SRCAP: variants seen among roughly 807,000 people sequenced by gnomAD.
SRCAP encodes Snf2 related CREBBP activator protein, also known as chromatin remodeling protein SRCAP.
SRCAP carries 46 observed loss-of-function variants against 263.1 expected under a neutral mutation model. The ratio of observed to expected loss-of-function variants is 0.17; its 90% CI spans 0.14 to 0.22. The LOEUF (loss-of-function observed/expected upper bound fraction) is 0.22. Ranked by LOEUF, SRCAP falls within the 10% of genes least tolerant of loss-of-function variation. The pLI is 1.00. For missense variants in SRCAP, 3,695 were observed against 4,181.9 expected, an observed-to-expected ratio of 0.88 and a Z score of 3.21; for synonymous variants, 1,813 against 1,662.1, an observed-to-expected ratio of 1.09 and a Z score of -2.21.
In SRCAP at chr16:30,723,816, T is replaced by C. The variant is rs1372537103; in HGVS notation, c.4392T>C (p.Thr1464=). 5.0e-6 allele frequency: 8 copies of C among 1,614,034 alleles called. No individual in the cohort carries two copies. The highest frequency in any genetic ancestry group is 6.8e-6 in the Non-Finnish European group (8 of 1,179,994). The change falls in exon 25 of 34, where the codon ACT becomes ACC. Residue 1464 remains threonine (T), a synonymous_variant. Coordinates refer to ENST00000262518, the MANE Select transcript of SRCAP (RefSeq NM_006662.3). ...CCATCCCCATCTCAGCCCCCTTGACTGTTTCTGCTTCGGGCCCAGCTCTGT... is the reference window on the plus strand; with the variant it reads ...CCATCCCCATCTCAGCCCCCTTGACCGTTTCTGCTTCGGGCCCAGCTCTGT... ...PLTIPISAPL[T]VSASGPALLT...
rs535667812 is a variant in SRCAP at position 30,703,765 on chromosome 16, C to T, written c.55-299C>T. Among the ~76,000 whole-genome samples, 9 of 151,452 alleles carry T rather than the reference C, an allele frequency of 5.9e-5. No individual in the cohort carries two copies. The East Asian group carries it at 1.8e-3, about 30-fold the overall frequency. ...CAAAAAAATTAGCTGGGCATAGTGG[C>T]GGGCGCCTGTAGTCCCAGCTGCTCA... On this transcript the variant is annotated intron_variant, in intron 3 of 33. Transcript: ENST00000262518.
At chr16:30,710,923 T>A in intron 9 of SRCAP, 76 bp downstream of exon 9, 1 of 1,597,832 alleles carries the variant, frequency 6.3e-7, no homozygotes, top group Non-Finnish European at 8.6e-7. Context: ...TCAGGCTTTC[T>A]CATCTGTTTC....
rs2053039100 is a variant in SRCAP, at chr16:30,724,121, C to G, written c.4697C>G (p.Ala1566Gly). The G allele has an allele frequency of 6.2e-7, 1 of 1,613,860 alleles. No individual in the cohort carries two copies. The highest frequency in any genetic ancestry group is 8.5e-7 in the Non-Finnish European group (1 of 1,180,046). ...CCTTTTCCGTCAGCACCAAATCCAG[C>G]TCCAGCTCAGGCTTCCCTTCTGGCT... ...ASPFPSAPNPAPAQASLLAPA... is the reference protein window; with the variant it reads ...ASPFPSAPNPGPAQASLLAPA... Residue 1566 changes from alanine (A) to glycine (G), a missense_variant, in exon 25 of 34, where the codon GCT becomes GGT. Coordinates refer to ENST00000262518, the MANE Select transcript of SRCAP (RefSeq NM_006662.3).
At chr16:30,699,642 CTGT>C (rs2052743469) in intron 1 of SRCAP, among the ~76,000 whole-genome samples, 1 of 151,952 alleles carries the variant, frequency 6.6e-6, no homozygotes, top group African/African-American at 2.4e-5. Flanking sequence ...CTTTTTTTTG[CTGT>C]ATTTTTTTTT....
At chr16:30,734,079 A>G (rs1255663081) in intron 30 of SRCAP, 71 bp downstream of exon 30, 1 of 1,358,360 alleles carries the variant, frequency 7.4e-7, no homozygotes, top group Non-Finnish European at 1.0e-6. Flanking sequence ...CCTGTTTATT[A>G]AAGAAGACTG....
intron 31 of SRCAP, among the ~76,000 whole-genome samples, chr16:30,734,998 C>T (rs1200346850): frequency 6.6e-6 from 1 of 152,142 alleles, no homozygotes; most frequent in Non-Finnish European, 1.5e-5. Context: ...TGAAAACACA[C>T]AAATGCTCAG....
chr16:30,709,939 G>A lies in SRCAP; in HGVS notation c.945G>A (p.Glu315=). 1.2e-6 allele frequency: 2 copies of A among 1,614,218 alleles called. No individual in the cohort carries two copies. Among genetic ancestry groups the A allele is most frequent in the Non-Finnish European group, 1.7e-6 (2 of 1,180,036 alleles). The part of the protein sequence containing the change: ...VEEQQEGNDA[E]AQRREIELLR... Reference sequence around the variant, plus strand: ...AACAACAGGAAGGCAATGATGCAGAGGCCCAGAGGCGTGAGATTGAGCTGC... The same window carrying A: ...AACAACAGGAAGGCAATGATGCAGAAGCCCAGAGGCGTGAGATTGAGCTGC... Residue 315 remains glutamate, a synonymous_variant, in exon 8 of 34, where the codon GAG becomes GAA. Coordinates refer to ENST00000262518, the MANE Select transcript of SRCAP (RefSeq NM_006662.3).
chr16:30,708,443 T>G (rs564581916), intron 6 of SRCAP, among the ~76,000 whole-genome samples: 94 of 152,298 alleles, frequency 6.2e-4, no homozygotes, highest in Middle Eastern at 6.8e-3. Context: ...CCCCGTCACC[T>G]AGGGCAGTGG....
At chr16:30,708,107 C>T (rs2052847552) in intron 6 of SRCAP, among the ~76,000 whole-genome samples, 1 of 152,196 alleles carries the variant, frequency 6.6e-6, no homozygotes, top group South Asian at 2.1e-4. Context: ...TTCTCCCTTC[C>T]ACTCCACACC....
In SRCAP at chr16:30,723,226, A is replaced by C. The variant is rs771783382; in HGVS notation, c.4156A>C (p.Ser1386Arg). ...GGTCCACAGTCCTTCACCTGAAGTC[A>C]GTGGTGAGTCCAGGTGGCTGAGGCC... ...KLVHSPSPEV[S>R]ASAPGAAPLT... The change falls in exon 24 of 34, where the codon AGT (serine) becomes CGT (arginine). Residue 1386 changes from serine (S) to arginine (R), a missense_variant. Around this residue, in one of 12 missense-constraint regions of SRCAP, gnomAD observed 1,347 missense variants for 1,304.4 expected, o/e 1.03. Transcript: ENST00000262518. 1.2e-6 allele frequency: 2 copies of C among 1,606,624 alleles called. No homozygotes were observed. Among genetic ancestry groups the C allele is most frequent in the East Asian group, 4.5e-5 (2 of 44,658 alleles).
Position 30,713,225 on chromosome 16 carries a change from T to G in SRCAP, c.2148T>G (p.Asn716Lys). The G allele has an allele frequency of 6.2e-7, 1 of 1,614,168 alleles. No homozygotes were observed. The highest frequency in any genetic ancestry group is 8.5e-7 in the Non-Finnish European group (1 of 1,180,052). Residue 716 changes from asparagine to lysine, a missense_variant, in exon 15 of 34, where the codon AAT (asparagine) becomes AAG (lysine). Transcript: ENST00000262518. The stretch of plus-strand genomic sequence containing the variant: ...TCCCTCAGGGCTGGACCAAGCCCAA[T>G]GCCTTTCATGTGTGTATCACATCTT... ...KLKRQGWTKPNAFHVCITSYK... is the reference protein window; with the variant it reads ...KLKRQGWTKPKAFHVCITSYK...
intron 4 of SRCAP, among the ~76,000 whole-genome samples, chr16:30,706,171 GA>G (rs2052825376): frequency 6.6e-6 from 1 of 152,176 alleles, no homozygotes; most frequent in South Asian, 2.1e-4. Flanking sequence ...AAATAACAAA[GA>G]CAGAGGCTGG....
In SRCAP at chr16:30,704,224, A is replaced by C; in HGVS notation, c.215A>C (p.Glu72Ala). 2 of 1,614,146 alleles carry C rather than the reference A, an allele frequency of 1.2e-6. No individual in the cohort carries two copies. The highest frequency in any genetic ancestry group is 2.2e-5 in the South Asian group (2 of 91,082). ...CCAGATGGTGCCACAGTGCCCCTGG[A>C]GGGGTTCAGCTTATCCCAGGCTGCT... ...GPPDGATVPL[E>A]GFSLSQAADL... Residue 72 changes from glutamate (E) to alanine (A), a missense_variant, in exon 4 of 34, where the codon GAG becomes GCG. By Grantham distance (107) the Glu-to-Ala change is moderately radical. This residue lies in a region of SRCAP where 122 missense variants were observed against 116.9 expected (regional missense o/e 1.04). Coordinates refer to ENST00000262518, the MANE Select transcript of SRCAP (RefSeq NM_006662.3).
At position 30,738,208 on chromosome 16, in the gene SRCAP, G is replaced by A. The variant is rs781244152; in HGVS notation, c.8168G>A (p.Arg2723His). The change falls in exon 34 of 34, where the codon CGC becomes CAC. Residue 2723 changes from arginine to histidine, a missense_variant. Physicochemically the swap from Arg to His is conservative, Grantham distance 29. Coordinates refer to ENST00000262518, the MANE Select transcript of SRCAP (RefSeq NM_006662.3). Reference protein sequence around the residue: ...GPSPARPPRRRTSADVEIRGQ... With the variant: ...GPSPARPPRRHTSADVEIRGQ... Reference sequence around the variant, plus strand: ...TCACCTGCCCGACCTCCTCGGCGTCGCACCAGTGCTGATGTGGAAATTAGG... The same window carrying A: ...TCACCTGCCCGACCTCCTCGGCGTCACACCAGTGCTGATGTGGAAATTAGG... 8 of 1,614,046 alleles carry A rather than the reference G, an allele frequency of 5.0e-6. No homozygotes were observed. The highest frequency in any genetic ancestry group is 2.2e-5 in the South Asian group (2 of 91,086).
rs1025371777 is a variant in SRCAP at position 30,734,506 on chromosome 16, G to A, written c.6620G>A (p.Arg2207Gln). Reference sequence around the variant, plus strand: ...TGTTCTATCCGATAGCAGACCATCCGAGAGCTGTTTGATATGCCCCTGGAG... The same window carrying A: ...TGTTCTATCCGATAGCAGACCATCCAAGAGCTGTTTGATATGCCCCTGGAG... ...TTAYFKQQTIRELFDMPLEEP... is the reference protein window; with the variant it reads ...TTAYFKQQTIQELFDMPLEEP... Residue 2207 changes from arginine to glutamine, a missense_variant, in exon 31 of 34, where the codon CGA (arginine) becomes CAA (glutamine). Coordinates refer to ENST00000262518, the MANE Select transcript of SRCAP (RefSeq NM_006662.3). The A allele has an allele frequency of 8.7e-6, 14 of 1,613,802 alleles. No individual in the cohort carries two copies. Among genetic ancestry groups the A allele is most frequent in the Admixed American group, 5.0e-5 (3 of 59,968 alleles).
Position 30,734,504 on chromosome 16 carries a change from C to A in SRCAP, c.6618C>A (p.Ile2206=), listed in dbSNP as rs763905022. 1 of 1,613,864 alleles carries A rather than the reference C, an allele frequency of 6.2e-7. No homozygotes were observed. Among genetic ancestry groups the A allele is most frequent in the Non-Finnish European group, 8.5e-7 (1 of 1,179,952 alleles). Residue 2206 remains isoleucine (I), a synonymous_variant, in exon 31 of 34, where the codon ATC becomes ATA. Coordinates refer to ENST00000262518, the MANE Select transcript of SRCAP (RefSeq NM_006662.3). The part of the protein sequence containing the change: ...FTTAYFKQQT[I]RELFDMPLEE... ...TCTGTTCTATCCGATAGCAGACCAT[C>A]CGAGAGCTGTTTGATATGCCCCTGG...
Position 30,739,206 on chromosome 16 carries a change from G to A in SRCAP, c.9166G>A (p.Asp3056Asn). 6.2e-7 allele frequency: 1 copy of A among 1,613,658 alleles called. No homozygotes were observed. Among genetic ancestry groups the A allele is most frequent in the Non-Finnish European group, 8.5e-7 (1 of 1,180,018 alleles). ...GQGESEGSSS[D>N]EDGSRPLTRL... ...AGGGGAGAGTGAGGGTAGTTCCTCT[G>A]ATGAGGATGGAAGCCGCCCCCTCAC... Residue 3056 changes from aspartate to asparagine, a missense_variant, in exon 34 of 34, where the codon GAT becomes AAT. Asp to Asn is a conservative substitution (Grantham distance 23). Coordinates refer to ENST00000262518, the MANE Select transcript of SRCAP (RefSeq NM_006662.3).
Position 30,720,905 on chromosome 16 carries a change from T to C in SRCAP, c.3180T>C (p.Leu1060=), listed in dbSNP as rs1369272980. 6.2e-7 allele frequency: 1 copy of C among 1,613,996 alleles called. No homozygotes were observed. The highest frequency in any genetic ancestry group is 2.2e-5 in the East Asian group (1 of 44,892). Residue 1060 remains leucine (L), a synonymous_variant, in exon 20 of 34, where the codon CTT becomes CTC. Coordinates refer to ENST00000262518, the MANE Select transcript of SRCAP (RefSeq NM_006662.3). The part of the protein sequence containing the change: ...MVSASPAGPP[L]IPASRPPGPV... Reference sequence around the variant, plus strand: ...CAGCCTCACCTGCCGGGCCCCCGCTTATTCCTGCATCTCGGCCTCCTGGCC... The same window carrying C: ...CAGCCTCACCTGCCGGGCCCCCGCTCATTCCTGCATCTCGGCCTCCTGGCC...
Position 30,724,381 on chromosome 16 carries a change from C to T in SRCAP, c.4957C>T (p.Pro1653Ser). Residue 1653 changes from proline to serine, a missense_variant, in exon 25 of 34, where the codon CCT (proline) becomes TCT (serine). Physicochemically the swap from Pro to Ser is moderately conservative, Grantham distance 74. This residue lies in a region of SRCAP where 1,347 missense variants were observed against 1,304.4 expected (regional missense o/e 1.03). Coordinates refer to ENST00000262518, the MANE Select transcript of SRCAP (RefSeq NM_006662.3). ...ASASPVPAPT[P>S]VLAPSSTQTM... ...AGCTTCACCGGTACCAGCTCCAACC[C>T]CTGTGTTGGCTCCATCATCAACTCA... 2 of 1,614,194 alleles carry T rather than the reference C, an allele frequency of 1.2e-6. No homozygotes were observed. Among genetic ancestry groups the T allele is most frequent in the Non-Finnish European group, 1.7e-6 (2 of 1,180,034 alleles).
Sources: gnomAD v4.1 joint callset for allele counts (sites outside exome capture counted in the v4.1 genomes callset) on GRCh38, gnomAD v4.1.1 for gene constraint, gnomAD v4.1.1 regional missense constraint, MANE v1.5 for transcripts, NCBI Gene and HGNC (gene_info 2026-07-23, HGNC 2026-07-21) for gene names.